The following ALG9 variants were observed in gnomAD, a reference collection of about 807,000 sequenced individuals.
ALG9 encodes the protein alpha-1,2-mannosyltransferase ALG9.
Under a neutral mutation model 81.8 loss-of-function variants are expected in ALG9, and 55 were observed. That is an observed-to-expected ratio of 0.67 (90% CI 0.54 to 0.84). The LOEUF (loss-of-function observed/expected upper bound fraction) is 0.84, where lower values mean the gene tolerates loss of function less well. Ranked by LOEUF, ALG9 falls within the 40% of genes least tolerant of loss-of-function variation. The pLI is 0.00. For missense variants in ALG9, 629 were observed against 745.0 expected, an observed-to-expected ratio of 0.84 and a Z score of 1.81; for synonymous variants, 278 against 274.3, an observed-to-expected ratio of 1.01 and a Z score of -0.13.
At chr11:111,829,587 A>G (rs1953987538) in intron 13 of ALG9, among the ~76,000 whole-genome samples, 1 of 152,248 alleles carries the variant, frequency 6.6e-6, no homozygotes, top group South Asian at 2.1e-4. Context: ...ATACCACTCC[A>G]GATGTAAACA....
chr11:111,825,122 C>T (rs1953011020), intron 13 of ALG9, among the ~76,000 whole-genome samples: 2 of 152,182 alleles, frequency 1.3e-5, no homozygotes, highest in Admixed American at 1.3e-4. Context: ...GGACTACAAA[C>T]AACCTTGAAA....
downstream of ALG9, among the ~76,000 whole-genome samples, chr11:111,778,692 T>TAA (rs1945760209): frequency 6.6e-6 from 1 of 152,050 alleles, no homozygotes; most frequent in Admixed American, 6.6e-5. Flanking sequence ...CAACTCTAGC[T>TAA]ACCTGTTAGC....
chr11:111,865,043 CTGGGATTACA>C, intron 4 of ALG9, 128 bp downstream of exon 4: 1 of 572,318 alleles, frequency 1.7e-6, no homozygotes, highest in Non-Finnish European at 2.9e-6. Context: ...TCCCAAAGTG[CTGGGATTACA>C]GGTGTGAGCC....
chr11:111,847,409 C>T (rs1383831940), intron 8 of ALG9, among the ~76,000 whole-genome samples: 1 of 152,346 alleles, frequency 6.6e-6, no homozygotes, highest in East Asian at 1.9e-4. Flanking sequence ...GGGATCCTGT[C>T]CTAAGCTGCA....
At chr11:111,857,530 A>G in intron 6 of ALG9, 72 bp downstream of exon 6, 1 of 1,594,942 alleles carries the variant, frequency 6.3e-7, no homozygotes, top group South Asian at 1.1e-5. Flanking sequence ...TGCAGACAAT[A>G]TGGAGCTAAT....
At chr11:111,821,611 C>T (rs1441882430) in intron 13 of ALG9, among the ~76,000 whole-genome samples, 1 of 151,980 alleles carries the variant, frequency 6.6e-6, no homozygotes, top group Non-Finnish European at 1.5e-5. Context: ...GGCTAAGAGT[C>T]ATAGTGACTT....
chr11:111,842,434 T>TC (rs748599110), intron 9 of ALG9, among the ~76,000 whole-genome samples: 1 of 152,106 alleles, frequency 6.6e-6, no homozygotes, highest in Middle Eastern at 3.2e-3. Flanking sequence ...ACTTTTTTTT[T>TC]CTCTTGAGAC....
intron 3 of ALG9, among the ~76,000 whole-genome samples, 158 bp from the exon 4 acceptor site, chr11:111,865,409 A>T (rs1288840578): frequency 1.3e-5 from 2 of 152,240 alleles, no homozygotes; most frequent in South Asian, 2.1e-4. Context: ...CCTTGACTCA[A>T]TATCAGTATA....
At chr11:111,800,561 G>A (rs781862952) in intron 14 of ALG9, among the ~76,000 whole-genome samples, 3 of 151,734 alleles carry the variant, frequency 2.0e-5, no homozygotes, top group African/African-American at 4.8e-5. Flanking sequence ...AATACTTTCT[G>A]ATCTCCAAAC....
chr11:111,777,286 C>T (rs1170047137), downstream of ALG9, among the ~76,000 whole-genome samples: 2 of 152,110 alleles, frequency 1.3e-5, no homozygotes, highest in African/African-American at 4.8e-5. Context: ...TGGTTAGTTA[C>T]GGACATAATT....
chr11:111,844,641 T>C lies in ALG9; in HGVS notation c.978A>G (p.Pro326=). 6.2e-7 allele frequency: 1 copy of C among 1,614,106 alleles called. No homozygotes were observed. ...VAFALALLVL[P]LTSLMEYLLQ... is the part of the protein sequence containing the mutation. ...GCAGGTATTCCATAAGAGAAGTCAG[T>C]GGTAGGACTAGGAGAGCCAAAGCAA... The change falls in exon 9 of 15, where the codon CCA becomes CCG. Residue 326 remains proline, a synonymous_variant. Transcript: ENST00000616540.
chr11:111,854,326 T>C (rs1958330993), intron 6 of ALG9, among the ~76,000 whole-genome samples: 2 of 145,280 alleles, frequency 1.4e-5, no homozygotes, highest in Admixed American at 1.4e-4. Flanking sequence ...CTGGGTGCAG[T>C]GGTGTGATCT....
chr11:111,861,213 A>G (rs1368320603), intron 4 of ALG9, among the ~76,000 whole-genome samples: 1 of 152,168 alleles, frequency 6.6e-6, no homozygotes, highest in Non-Finnish European at 1.5e-5. Context: ...TCTTCTTCTA[A>G]TTCTTTCTTG....
At chr11:111,787,166 C>T (rs1159161699) in intron 14 of ALG9, among the ~76,000 whole-genome samples, 1 of 152,168 alleles carries the variant, frequency 6.6e-6, no homozygotes, top group Non-Finnish European at 1.5e-5. Flanking sequence ...TGCACTGGCT[C>T]ACGCCTGTAA....
intron 14 of ALG9, among the ~76,000 whole-genome samples, chr11:111,798,660 G>C (rs1206698283): frequency 6.6e-6 from 1 of 152,168 alleles, no homozygotes; most frequent in Non-Finnish European, 1.5e-5. Flanking sequence ...AATGTGTCTG[G>C]TCTAAAAAGT....
chr11:111,806,218 C>G (rs1222043888), intron 14 of ALG9, among the ~76,000 whole-genome samples: 1 of 151,986 alleles, frequency 6.6e-6, no homozygotes, highest in Non-Finnish European at 1.5e-5. Context: ...TTCCTGACAC[C>G]CACCACCAGA....
At position 111,818,158 on chromosome 11, in the gene ALG9, G is replaced by A. The variant is rs191140597; in HGVS notation, c.1603-8385C>T. 2.4e-3 allele frequency among the ~76,000 whole-genome samples: 366 copies of A among 152,308 alleles called. 2 individuals carry two copies. Among genetic ancestry groups the A allele is most frequent in the African/African-American group, 8.2e-3 (342 of 41,562 alleles). ...TAAGGCTGCAGTAAAGAATAGGTTT[G>A]GGTGACATTGAGGAAAGATGATAAC... On this transcript the variant is annotated intron_variant, in intron 13 of 14. Coordinates refer to ENST00000616540, the MANE Select transcript of ALG9 (RefSeq NM_024740.2).
intron 11 of ALG9, 149 bp downstream of exon 11, chr11:111,838,100 T>C: frequency 1.3e-6 from 1 of 790,082 alleles, no homozygotes; most frequent in Non-Finnish European, 2.1e-6. Flanking sequence ...AGAAGTCATA[T>C]GCCACTCATT....
chr11:111,828,087 A>G lies in ALG9; in HGVS notation c.1602+8078T>C, dbSNP rs111832146. ...CACCTGTAACCCCAGCTAGCCACTC[A>G]GGAGGCTGAGGAAGGGGAATTGCTT... is the stretch of plus-strand genomic sequence containing the variant. On this transcript the variant is annotated intron_variant, in intron 13 of 14. Coordinates refer to ENST00000616540, the MANE Select transcript of ALG9 (RefSeq NM_024740.2). Among the ~76,000 whole-genome samples, 984 of 151,988 alleles carry G rather than the reference A, an allele frequency of 6.5e-3. 11 individuals carry two copies. Among genetic ancestry groups the G allele is most frequent in the African/African-American group, 0.022 (917 of 41,438 alleles).
Sources: gnomAD v4.1 joint callset for allele counts (sites outside exome capture counted in the v4.1 genomes callset) on GRCh38, gnomAD v4.1.1 for gene constraint, MANE v1.5 for transcripts, NCBI Gene and HGNC (gene_info 2026-07-23, HGNC 2026-07-21) for gene names.